The following GRM7 variants were observed in gnomAD, a reference collection of about 807,000 sequenced individuals.
The protein encoded by GRM7 is metabotropic glutamate receptor 7.
GRM7 carries 35 observed loss-of-function variants against 84.5 expected under a neutral mutation model. The observed-to-expected ratio is 0.41, with a 90% CI of 0.32 to 0.55. GRM7 has a LOEUF of 0.55. Ranked by LOEUF, GRM7 falls within the 20% of genes least tolerant of loss-of-function variation. The probability of loss-of-function intolerance (pLI) is 0.19; values close to 1 mark genes in which losing one functional copy is unlikely to be tolerated. For synonymous variants in GRM7, 487 were observed against 455.1 expected (o/e 1.07, Z -0.89); for missense variants, 1,003 against 1,194.6 (o/e 0.84, Z 2.36).
intron 1 of GRM7, among the ~76,000 whole-genome samples, chr3:6,983,135 A>G (rs144548749): frequency 3.7e-4 from 57 of 152,316 alleles, no homozygotes; most frequent in African/African-American, 1.4e-3. Flanking sequence ...TTTGTATTCA[A>G]TAAGCAAAGT....
At chr3:7,114,090 T>G (rs548149505) in intron 1 of GRM7, among the ~76,000 whole-genome samples, 1 of 152,312 alleles carries the variant, frequency 6.6e-6, no homozygotes, top group South Asian at 2.1e-4. Flanking sequence ...AGCTGTGTCA[T>G]GGCAAGTAAA....
At chr3:7,215,528 G>A (rs1409693642) in intron 2 of GRM7, among the ~76,000 whole-genome samples, 1 of 152,024 alleles carries the variant, frequency 6.6e-6, no homozygotes, top group Non-Finnish European at 1.5e-5. Context: ...AGCCAGGCGT[G>A]GTGGTGGGCG....
chr3:7,533,312 C>A (rs1047533597), intron 7 of GRM7, among the ~76,000 whole-genome samples: 1 of 152,154 alleles, frequency 6.6e-6, no homozygotes, highest in East Asian at 1.9e-4. Context: ...GACCACAGTG[C>A]AATCAAATTA....
chr3:7,301,536 A>G (rs753819774), intron 3 of GRM7, among the ~76,000 whole-genome samples: 4 of 152,188 alleles, frequency 2.6e-5, no homozygotes, highest in Non-Finnish European at 5.9e-5. Flanking sequence ...TAAAAGATGT[A>G]TGGCAATTAG....
chr3:7,314,148 TAATACCTC>T, intron 4 of GRM7, among the ~76,000 whole-genome samples: 1 of 152,154 alleles, frequency 6.6e-6, no homozygotes, highest in Non-Finnish European at 1.5e-5. Flanking sequence ...TAAAATCATT[TAATACCTC>T]AAAGCTTAAA....
At chr3:7,515,920 A>G (rs1365545212) in intron 7 of GRM7, among the ~76,000 whole-genome samples, 1 of 151,942 alleles carries the variant, frequency 6.6e-6, no homozygotes, top group African/African-American at 2.4e-5. Context: ...AGACAGGGGA[A>G]TCCTTTGAAT....
intron 2 of GRM7, among the ~76,000 whole-genome samples, chr3:7,155,549 A>T (rs951028107): frequency 1.4e-4 from 21 of 152,304 alleles, no homozygotes; most frequent in Non-Finnish European, 2.4e-4. Flanking sequence ...CATTAAATTA[A>T]TAAATGGTTG....
At chr3:7,399,699 T>G (rs1206785314) in intron 4 of GRM7, among the ~76,000 whole-genome samples, 2 of 152,128 alleles carry the variant, frequency 1.3e-5, no homozygotes, top group African/African-American at 4.8e-5. Flanking sequence ...CTTGCTCCAT[T>G]AGTTCCCTCA....
At chr3:7,181,332 C>T (rs1695330586) in intron 2 of GRM7, among the ~76,000 whole-genome samples, 1 of 152,144 alleles carries the variant, frequency 6.6e-6, no homozygotes, top group African/African-American at 2.4e-5. Flanking sequence ...CAGATTCATT[C>T]TTACCAGTCT....
At chr3:7,680,374 T>G (rs1442623365) in intron 9 of GRM7, 79 bp downstream of exon 9, 8 of 1,442,158 alleles carry the variant, frequency 5.5e-6, no homozygotes, top group Non-Finnish European at 7.7e-6. Flanking sequence ...CTTGCCTCTC[T>G]GGAGAAATAC....
intron 5 of GRM7, among the ~76,000 whole-genome samples, chr3:7,451,431 A>T (rs1296842332): frequency 6.6e-6 from 1 of 152,220 alleles, no homozygotes; most frequent in Non-Finnish European, 1.5e-5. Context: ...TTGGGAATTA[A>T]GTATGATGGT....
intron 2 of GRM7, among the ~76,000 whole-genome samples, chr3:7,170,105 T>C (rs377220998): frequency 6.6e-6 from 1 of 152,318 alleles, no homozygotes; most frequent in African/African-American, 2.4e-5. Flanking sequence ...GGGACCACAC[T>C]TTGAGAGCCA....
At chr3:6,980,041 C>T (rs1694138706) in intron 1 of GRM7, among the ~76,000 whole-genome samples, 1 of 151,994 alleles carries the variant, frequency 6.6e-6, no homozygotes. Flanking sequence ...TTACCATCTA[C>T]CTTCTAGTAT....
chr3:7,435,015 G>A (rs554481129), intron 5 of GRM7, among the ~76,000 whole-genome samples: 222 of 152,158 alleles, frequency 1.5e-3, no homozygotes, highest in African/African-American at 5.1e-3. Flanking sequence ...GTTCTTAAGT[G>A]AGCTTTGTAG....
intron 1 of GRM7, among the ~76,000 whole-genome samples, chr3:6,950,207 A>G (rs1287546131): frequency 6.6e-6 from 1 of 151,962 alleles, no homozygotes; most frequent in African/African-American, 2.4e-5. Flanking sequence ...TTGGTCTTTG[A>G]TGATGGTGAT....
At chr3:7,041,680 A>T (rs773147098) in intron 1 of GRM7, among the ~76,000 whole-genome samples, 14 of 152,206 alleles carry the variant, frequency 9.2e-5, no homozygotes, top group Non-Finnish European at 1.6e-4. Context: ...TGAAATATAG[A>T]TTTGGTCTTC....
intron 1 of GRM7, among the ~76,000 whole-genome samples, chr3:7,064,481 C>CATATATATATAT (rs1697564963): frequency 3.6e-5 from 2 of 56,298 alleles, no homozygotes; most frequent in Non-Finnish European, 6.8e-5. Flanking sequence ...TATATATATA[C>CATATATATATAT]ACACATATAC....
chr3:7,611,976 A>G (rs749589884), intron 8 of GRM7, among the ~76,000 whole-genome samples: 1 of 152,202 alleles, frequency 6.6e-6, no homozygotes, highest in Admixed American at 6.5e-5. Context: ...CTTAAAACCA[A>G]TAGTCCAGAA....
intron 8 of GRM7, among the ~76,000 whole-genome samples, chr3:7,599,678 G>A (rs1220615565): frequency 6.6e-6 from 1 of 152,106 alleles, no homozygotes; most frequent in African/African-American, 2.4e-5. Context: ...GCTTTATTAC[G>A]GAGGGGGGAT....
Sources: allele counts gnomAD v4.1 joint callset (sites outside exome capture counted in the v4.1 genomes callset), GRCh38; gene constraint gnomAD v4.1.1; transcripts MANE v1.5; gene names NCBI Gene and HGNC (gene_info 2026-07-23, HGNC 2026-07-21).